The following DOCK7 variants were observed in gnomAD, a reference collection of about 807,000 sequenced individuals.
The protein encoded by DOCK7 is dedicator of cytokinesis protein 7.
DOCK7 carries 138 observed loss-of-function variants against 271.0 expected under a neutral mutation model. The ratio of observed to expected loss-of-function variants is 0.51; its 90% CI spans 0.44 to 0.59. DOCK7 has a LOEUF of 0.59. Ranked by LOEUF, DOCK7 falls within the 20% of genes least tolerant of loss-of-function variation. The probability of loss-of-function intolerance (pLI) is 0.00; values close to 1 mark genes in which losing one functional copy is unlikely to be tolerated. For missense variants in DOCK7, 2,066 were observed against 2,592.4 expected (o/e 0.80, Z 4.41); for synonymous variants, 823 against 876.1 (o/e 0.94, Z 1.07).
intron 22 of DOCK7, among the ~76,000 whole-genome samples, chr1:62,549,202 T>C (rs148340856): frequency 3.2e-4 from 48 of 152,144 alleles, no homozygotes; most frequent in Non-Finnish European, 4.6e-4. Context: ...GCCAAATAAA[T>C]GAATAAATCA....
chr1:62,532,688 C>G (rs973224136), intron 29 of DOCK7, among the ~76,000 whole-genome samples: 2 of 152,156 alleles, frequency 1.3e-5, no homozygotes, highest in African/African-American at 4.8e-5. Context: ...TGAGAAGATG[C>G]TGTTTGAACA....
At position 62,619,945 on chromosome 1, in the gene DOCK7, T is replaced by C. The variant is rs1652937967; in HGVS notation, c.1474A>G (p.Met492Val). The part of the protein sequence containing the change: ...DEDLYKFLAD[M>V]RRPSSVLRRL... ...CGTAAGACAGAAGATGGCCTTCTCATATCAGCAAGGAATTTGTAGAGATCT... is the reference window on the plus strand; with the variant it reads ...CGTAAGACAGAAGATGGCCTTCTCACATCAGCAAGGAATTTGTAGAGATCT... Residue 492 changes from methionine (M) to valine (V), a missense_variant, in exon 13 of 50, where the codon ATG becomes GTG. This residue lies in a region of DOCK7 where 1,414 missense variants were observed against 1,670.4 expected (regional missense o/e 0.85). Transcript: ENST00000635253. 1 of 1,613,870 alleles carries C rather than the reference T, an allele frequency of 6.2e-7. No homozygotes were observed. Among genetic ancestry groups the C allele is most frequent in the Non-Finnish European group, 8.5e-7 (1 of 1,179,854 alleles).
chr1:62,610,814 A>G (rs1385848240), intron 14 of DOCK7, among the ~76,000 whole-genome samples: 1 of 152,190 alleles, frequency 6.6e-6, no homozygotes, highest in Non-Finnish European at 1.5e-5. Flanking sequence ...ATGGCTGCAT[A>G]GTATTCCATG....
At chr1:62,636,673 C>A in intron 7 of DOCK7, 70 bp from the exon 8 acceptor site, 7 of 1,300,042 alleles carry the variant, frequency 5.4e-6, no homozygotes, top group Non-Finnish European at 7.5e-6. Context: ...GAAATTGATT[C>A]CAAAACTAAA....
chr1:62,537,828 T>C, intron 28 of DOCK7, 63 bp downstream of exon 28: 2 of 1,441,430 alleles, frequency 1.4e-6, no homozygotes, highest in Non-Finnish European at 1.9e-6. Context: ...TTTTTTCCAT[T>C]GTTTAAAACT....
At chr1:62,597,066 G>A (rs185773146) in intron 14 of DOCK7, among the ~76,000 whole-genome samples, 1 of 152,272 alleles carries the variant, frequency 6.6e-6, no homozygotes, top group East Asian at 1.9e-4. Flanking sequence ...AACACCACCT[G>A]AGGGAGTGGA....
At chr1:62,485,651 G>A (rs769583185) in intron 43 of DOCK7, 27 of 985,170 alleles carry the variant, frequency 2.7e-5, no homozygotes, top group African/African-American at 3.5e-5. Flanking sequence ...ACACAAGATA[G>A]AACTTACCAC....
intron 48 of DOCK7, among the ~76,000 whole-genome samples, chr1:62,470,740 G>A (rs916878590): frequency 6.6e-6 from 1 of 152,136 alleles, no homozygotes; most frequent in Non-Finnish European, 1.5e-5. Flanking sequence ...GGTGCAGTGA[G>A]CTGAGATTGT....
At chr1:62,591,608 C>CA (rs1396372141) in intron 14 of DOCK7, among the ~76,000 whole-genome samples, 1 of 152,234 alleles carries the variant, frequency 6.6e-6, no homozygotes, top group Admixed American at 6.5e-5. Flanking sequence ...AATAGACAAG[C>CA]AAAACATACA....
intron 29 of DOCK7, among the ~76,000 whole-genome samples, chr1:62,533,101 C>A (rs1183088933): frequency 6.6e-6 from 1 of 151,676 alleles, no homozygotes; most frequent in Non-Finnish European, 1.5e-5. Context: ...CCGTTCGGAG[C>A]CCCCCCTCCC....
In DOCK7 at chr1:62,543,638, G is replaced by A; in HGVS notation, c.2949+18C>T. ...AAATTATTTTCCCCCTCTATGAATT[G>A]TCTTCATATGAATCTACCTTTTTAG... On this transcript the variant is annotated intron_variant, in intron 24 of 49. Transcript: ENST00000635253. 1.3e-6 allele frequency: 2 copies of A among 1,554,162 alleles called. No individual in the cohort carries two copies. The highest frequency in any genetic ancestry group is 1.8e-6 in the Non-Finnish European group (2 of 1,130,598).
rs1254369057 is a variant in DOCK7 at position 62,586,608 on chromosome 1, A to G, written c.1699T>C (p.Tyr567His). ...NTTYRNLLYI[Y>H]PQSLNFANRQ... is the part of the protein sequence containing the mutation. Reference sequence around the variant, plus strand: ...TTGGCAAAATTAAGACTCTGAGGGTATATGTAGAGAAGATTTCTGTGAAAG... The same window carrying G: ...TTGGCAAAATTAAGACTCTGAGGGTGTATGTAGAGAAGATTTCTGTGAAAG... The change falls in exon 15 of 50, where the codon TAC becomes CAC. Residue 567 changes from tyrosine to histidine, a missense_variant. Around this residue, in one of 2 missense-constraint regions of DOCK7, gnomAD observed 1,414 missense variants for 1,670.4 expected, o/e 0.85. Coordinates refer to ENST00000635253, the MANE Select transcript of DOCK7 (RefSeq NM_001367561.1). 1 of 1,606,846 alleles carries G rather than the reference A, an allele frequency of 6.2e-7. No homozygotes were observed. Among genetic ancestry groups the G allele is most frequent in the Non-Finnish European group, 8.5e-7 (1 of 1,174,680 alleles).
chr1:62,613,442 C>T lies in DOCK7; in HGVS notation c.1682+5264G>A, dbSNP rs557493131. 2.2e-4 allele frequency among the ~76,000 whole-genome samples: 33 copies of T among 152,176 alleles called. No individual in the cohort carries two copies. In the South Asian group the frequency reaches 6.8e-3, roughly 32 times the overall value. ...GGAGGTAGGGAGGCGCGGGGAACGA[C>T]AGAGTTTGTTATTTAAAGGTGAAAA... On this transcript the variant is annotated intron_variant, in intron 14 of 49. Coordinates refer to ENST00000635253, the MANE Select transcript of DOCK7 (RefSeq NM_001367561.1).
intron 37 of DOCK7, among the ~76,000 whole-genome samples, chr1:62,504,046 CAAA>C (rs11297853): frequency 6.6e-5 from 8 of 120,510 alleles, no homozygotes; most frequent in Admixed American, 1.6e-4. Flanking sequence ...GACTCCGTCT[CAAA>C]AAAAAAAAAA....
At chr1:62,488,823 T>G (rs201454730) in intron 42 of DOCK7, 111 bp downstream of exon 42, 1 of 1,385,032 alleles carries the variant, frequency 7.2e-7, no homozygotes, top group Non-Finnish European at 1.0e-6. Flanking sequence ...ATTTGTAGTC[T>G]GATTAAAATG....
chr1:62,584,997 C>T, intron 15 of DOCK7: 1 of 492,840 alleles, frequency 2.0e-6, no homozygotes, highest in Non-Finnish European at 3.7e-6. Flanking sequence ...TGGCAACTCA[C>T]ACATAGGCTG....
At chr1:62,610,020 T>A (rs959113662) in intron 14 of DOCK7, among the ~76,000 whole-genome samples, 3 of 152,106 alleles carry the variant, frequency 2.0e-5, no homozygotes, top group African/African-American at 7.2e-5. Flanking sequence ...CTGGCTAATT[T>A]TTGTATTTTT....
chr1:62,567,153 T>A (rs1233682256), intron 18 of DOCK7, among the ~76,000 whole-genome samples: 1 of 152,174 alleles, frequency 6.6e-6, no homozygotes, highest in Admixed American at 6.5e-5. Context: ...TCCTCAAGGA[T>A]CTAGAACTAC....
chr1:62,666,016 T>G (rs1015066377), intron 1 of DOCK7, among the ~76,000 whole-genome samples: 1 of 151,652 alleles, frequency 6.6e-6, no homozygotes, highest in African/African-American at 2.4e-5. Flanking sequence ...ACAAAAAAAT[T>G]AGCCAGGCGT....
Sources: allele counts gnomAD v4.1 joint callset (sites outside exome capture counted in the v4.1 genomes callset), GRCh38; gene constraint gnomAD v4.1.1; regional missense constraint gnomAD v4.1.1; transcripts MANE v1.5; gene names NCBI Gene and HGNC (gene_info 2026-07-23, HGNC 2026-07-21).